LAMA1: variants seen among roughly 807,000 people sequenced by gnomAD.
The protein encoded by LAMA1 is laminin subunit alpha-1.
In LAMA1, 219 loss-of-function variants were observed where a neutral mutation model predicts 348.7. The observed-to-expected ratio is 0.63, with a 90% confidence interval of 0.56 to 0.70. LAMA1 has a LOEUF of 0.70. Ranked by LOEUF, LAMA1 falls within the 30% of genes least tolerant of loss-of-function variation. The probability of loss-of-function intolerance (pLI) is 0.00; values close to 1 mark genes in which losing one functional copy is unlikely to be tolerated. For synonymous variants in LAMA1, 1,487 were observed against 1,491.0 expected, an observed-to-expected ratio of 1.00 and a Z score of 0.06; for missense variants, 3,744 against 3,888.0, an observed-to-expected ratio of 0.96 and a Z score of 0.99.
chr18:6,956,020 G>A, intron 56 of LAMA1: 1 of 296,388 alleles, frequency 3.4e-6, no homozygotes, highest in South Asian at 3.3e-5. Flanking sequence ...CCAAGTCATG[G>A]GGGTCCCAGA....
At chr18:7,082,347 T>C (rs1206159244) in intron 1 of LAMA1, among the ~76,000 whole-genome samples, 1 of 152,154 alleles carries the variant, frequency 6.6e-6, no homozygotes, top group African/African-American at 2.4e-5. Context: ...ATCATATCCC[T>C]GTAAAGGGAC....
At position 7,117,797 on chromosome 18, in the gene LAMA1, C is replaced by G. The variant is rs528836968; in HGVS notation, c.-77G>C. ...TGGAACGCTCCACGGGACGCGAGTCCGCGCTGCCCTGGCCCCGCCGCTCCT... is the reference window on the plus strand; with the variant it reads ...TGGAACGCTCCACGGGACGCGAGTCGGCGCTGCCCTGGCCCCGCCGCTCCT... On this transcript the variant is annotated 5_prime_UTR_variant, in exon 1 of 63. Transcript: ENST00000389658. The G allele has an allele frequency of 3.0e-3, 4,083 of 1,344,468 alleles. 95 individuals are homozygous for G. The African/African-American group carries it at 0.049, about 16-fold the overall frequency. The allele number at this position is 1,344,468 out of a possible 1,614,324, so 83.3% of individuals were successfully genotyped here.
chr18:7,026,932 T>C (rs1445555644), intron 16 of LAMA1, among the ~76,000 whole-genome samples: 2 of 150,744 alleles, frequency 1.3e-5, no homozygotes, highest in Non-Finnish European at 2.9e-5. Context: ...AGATGGAGCT[T>C]GTAGTCAGCT....
chr18:7,041,905 T>G (rs2058022038), intron 9 of LAMA1, among the ~76,000 whole-genome samples: 1 of 152,212 alleles, frequency 6.6e-6, no homozygotes, highest in Admixed American at 6.5e-5. Flanking sequence ...GGCATTATAT[T>G]ACCCATGTAC....
intron 57 of LAMA1, among the ~76,000 whole-genome samples, chr18:6,951,941 C>T (rs2143978590): frequency 6.6e-6 from 1 of 152,274 alleles, no homozygotes; most frequent in Non-Finnish European, 1.5e-5. Context: ...CCTGCGAATT[C>T]CATTCGGGGT....
chr18:7,008,631 G>T, intron 27 of LAMA1, 23 bp from the exon 28 acceptor site: 1 of 1,613,276 alleles, frequency 6.2e-7, no homozygotes, highest in Non-Finnish European at 8.5e-7. Context: ...CATGTTAAGA[G>T]AGGAAACGCT....
intron 41 of LAMA1, 87 bp downstream of exon 41, chr18:6,982,410 G>C (rs1299147054): frequency 5.3e-5 from 55 of 1,045,826 alleles, no homozygotes; most frequent in Non-Finnish European, 6.0e-6. Context: ...TCAAGTTGCT[G>C]CATGCAAGGA....
chr18:6,982,310 T>C (rs1462074388), intron 41 of LAMA1, among the ~76,000 whole-genome samples, 187 bp downstream of exon 41: 3 of 152,192 alleles, frequency 2.0e-5, no homozygotes, highest in African/African-American at 7.2e-5. Flanking sequence ...TGCCAAATTA[T>C]ATGAAGTTTA....
chr18:6,942,278 T>C, intron 62 of LAMA1, 39 bp from the exon 63 acceptor site: 1 of 1,610,492 alleles, frequency 6.2e-7, no homozygotes. Flanking sequence ...TTGCTTAATT[T>C]TGTTGAAATG....
chr18:7,009,831 C>T (rs1445766786), intron 26 of LAMA1, among the ~76,000 whole-genome samples: 1 of 152,160 alleles, frequency 6.6e-6, no homozygotes, highest in African/African-American at 2.4e-5. Context: ...GGTCTTCTTG[C>T]TCGGTCTCTC....
At chr18:7,009,483 T>C (rs2057849181) in intron 26 of LAMA1, 117 bp from the exon 27 acceptor site, 2 of 1,106,434 alleles carry the variant, frequency 1.8e-6, no homozygotes, top group Admixed American at 2.0e-5. Context: ...GTTCTGTGCA[T>C]GCCACTGAGT....
chr18:7,065,856 C>T (rs1366315254), intron 3 of LAMA1, among the ~76,000 whole-genome samples: 1 of 152,198 alleles, frequency 6.6e-6, no homozygotes, highest in Non-Finnish European at 1.5e-5. Context: ...TTAAATTTGA[C>T]CTCACAGTTT....
rs1015194759 is a variant in LAMA1, at chr18:6,948,464, G to C, written c.8649C>G (p.Asn2883Lys). 6.2e-6 allele frequency: 10 copies of C among 1,614,028 alleles called. No individual in the cohort carries two copies. Among genetic ancestry groups the C allele is most frequent in the Non-Finnish European group, 8.5e-6 (10 of 1,180,044 alleles). ...KDSPVSAFTV[N>K]RCYAVAQEGT... ...CTTCCTGGGCCACTGCGTAGCACCTGTTCACCGTGAAGGCAGACACCGGGC... is the reference window on the plus strand; with the variant it reads ...CTTCCTGGGCCACTGCGTAGCACCTCTTCACCGTGAAGGCAGACACCGGGC... The change falls in exon 60 of 63, where the codon AAC (asparagine) becomes AAG (lysine). Residue 2883 changes from asparagine (N) to lysine (K), a missense_variant. Transcript: ENST00000389658.
intron 29 of LAMA1, 94 bp from the exon 30 acceptor site, chr18:7,002,479 T>G: frequency 7.7e-7 from 1 of 1,296,314 alleles, no homozygotes; most frequent in Non-Finnish European, 1.1e-6. Flanking sequence ...ACGTTTTATA[T>G]CAGCTAGCTT....
chr18:7,112,336 C>T (rs1328797390), intron 1 of LAMA1, among the ~76,000 whole-genome samples: 4 of 152,252 alleles, frequency 2.6e-5, no homozygotes, highest in African/African-American at 9.6e-5. Flanking sequence ...GAGGGGAGGA[C>T]AGTGGACAGA....
chr18:6,964,861 T>TA (rs2057625495), intron 50 of LAMA1, 58 bp from the exon 51 acceptor site: 1 of 1,595,580 alleles, frequency 6.3e-7, no homozygotes, highest in East Asian at 2.2e-5. Context: ...CATGTTAAGG[T>TA]AAAATGCAAA....
rs1188931260 is a variant in LAMA1 at position 7,049,272 on chromosome 18, A to G, written c.589-15T>C. ...GATGTATGAATCTGAAGATGAAGGCATCAAAATAGATGAATGTCAATTGTT... is the reference window on the plus strand; with the variant it reads ...GATGTATGAATCTGAAGATGAAGGCGTCAAAATAGATGAATGTCAATTGTT... On this transcript the variant is annotated splice_polypyrimidine_tract_variant and intron_variant, in intron 4 of 62. Transcript: ENST00000389658. 5 of 1,600,608 alleles carry G rather than the reference A, an allele frequency of 3.1e-6. No individual in the cohort carries two copies. In the Admixed American group the frequency reaches 6.7e-5, roughly 21 times the overall value.
At chr18:7,072,083 T>C (rs1010986123) in intron 3 of LAMA1, among the ~76,000 whole-genome samples, 1 of 152,202 alleles carries the variant, frequency 6.6e-6, no homozygotes, top group African/African-American at 2.4e-5. Context: ...TTATCTTATC[T>C]TCCATTTTTC....
At chr18:7,022,540 A>C (rs1193091934) in intron 19 of LAMA1, among the ~76,000 whole-genome samples, 1 of 152,166 alleles carries the variant, frequency 6.6e-6, no homozygotes, top group Admixed American at 6.5e-5. Flanking sequence ...GAAATACTCA[A>C]AATAATTTAT....
Sources: allele counts gnomAD v4.1 joint callset (sites outside exome capture counted in the v4.1 genomes callset), GRCh38; gene constraint gnomAD v4.1.1; transcripts MANE v1.5; gene names NCBI Gene and HGNC (gene_info 2026-07-23, HGNC 2026-07-21).